Variants in CDH4 observed in about 807,000 individuals in gnomAD.
CDH4 encodes cadherin 4.
In CDH4, 33 loss-of-function variants were observed where a neutral mutation model predicts 86.0. The observed-to-expected ratio is 0.38, with a 90% CI of 0.29 to 0.51. The LOEUF (loss-of-function observed/expected upper bound fraction) is 0.51. Ranked by LOEUF, CDH4 falls within the 20% of genes least tolerant of loss-of-function variation. CDH4 has a pLI of 0.86. For synonymous variants in CDH4, 555 were observed against 549.4 expected (o/e 1.01, Z -0.14); for missense variants, 1,114 against 1,307.4 (o/e 0.85, Z 2.28).
At chr20:61,716,542 T>G (rs1193136124) in intron 2 of CDH4, among the ~76,000 whole-genome samples, 2 of 152,232 alleles carry the variant, frequency 1.3e-5, no homozygotes, top group Non-Finnish European at 2.9e-5. Flanking sequence ...GTAATCCCCA[T>G]GGGCTTGTCT....
At position 61,929,809 on chromosome 20, in the gene CDH4, G is replaced by A. The variant is rs147702496; in HGVS notation, c.2206G>A (p.Val736Met). The change falls in exon 13 of 16, where the codon GTG becomes ATG. Residue 736 changes from valine to methionine, a missense_variant. Coordinates refer to ENST00000614565, the MANE Select transcript of CDH4 (RefSeq NM_001794.5). ...AAAGLGTGAI[V>M]AILICILILL... The stretch of plus-strand genomic sequence containing the variant: ...GGCTGGTCTGGGCACCGGTGCCATC[G>A]TGGCCATCCTCATCTGCATCCTCAT... 342 of 1,613,994 alleles carry A rather than the reference G, an allele frequency of 2.1e-4. No individual in the cohort carries two copies. The highest frequency in any genetic ancestry group is 2.7e-4 in the Non-Finnish European group (314 of 1,180,014).
rs946618137 is a variant in CDH4 at position 61,811,656 on chromosome 20, G to A, written c.577-33012G>A. 1.3e-5 allele frequency among the ~76,000 whole-genome samples: 2 copies of A among 150,792 alleles called. No individual in the cohort carries two copies. The highest frequency in any genetic ancestry group is 1.3e-4 in the Admixed American group (2 of 15,164). On this transcript the variant is annotated intron_variant, in intron 4 of 15. Coordinates refer to ENST00000614565, the MANE Select transcript of CDH4 (RefSeq NM_001794.5). The surrounding 1 kb of genome is among the most constrained non-coding windows in gnomAD (Gnocchi z 4.4). ...CCGGGGTCACGCCCCTGCCACCCGGGGTCACGCCCCTGGCTGCCTACTGAG... is the reference window on the plus strand; with the variant it reads ...CCGGGGTCACGCCCCTGCCACCCGGAGTCACGCCCCTGGCTGCCTACTGAG...
intron 2 of CDH4, among the ~76,000 whole-genome samples, chr20:61,646,281 C>A (rs542195718): frequency 1.3e-5 from 2 of 152,268 alleles, no homozygotes; most frequent in Admixed American, 6.5e-5. Flanking sequence ...ACACTCTGGT[C>A]CCCAGGCCTT....
chr20:61,530,775 G>C (rs573517169), intron 2 of CDH4, among the ~76,000 whole-genome samples: 3 of 152,050 alleles, frequency 2.0e-5, no homozygotes, highest in South Asian at 2.1e-4. Flanking sequence ...ACAACAGAAC[G>C]AGTGAGGGCA....
intron 2 of CDH4, among the ~76,000 whole-genome samples, chr20:61,514,576 A>G (rs774450011): frequency 3.7e-4 from 57 of 152,158 alleles, no homozygotes; most frequent in Non-Finnish European, 7.5e-4. Context: ...GAAGGCACTC[A>G]GGATTTTCCT....
chr20:61,683,509 G>C (rs933821351), intron 2 of CDH4, among the ~76,000 whole-genome samples: 2 of 152,314 alleles, frequency 1.3e-5, no homozygotes, highest in South Asian at 4.2e-4. Context: ...GGCCCAGGCA[G>C]ATGGTACCAG....
At chr20:61,933,737 A>G (rs1005503538) in intron 14 of CDH4, among the ~76,000 whole-genome samples, 1 of 149,912 alleles carries the variant, frequency 6.7e-6, no homozygotes, top group Admixed American at 6.6e-5. Context: ...GCGGAGGCCC[A>G]GCTCCTGGCC....
intron 2 of CDH4, among the ~76,000 whole-genome samples, chr20:61,606,667 G>A (rs1039752381): frequency 7.9e-5 from 12 of 152,368 alleles, no homozygotes; most frequent in Non-Finnish European, 1.3e-4. Flanking sequence ...GCACCCCGCC[G>A]CTCCTCAGTT....
At chr20:61,347,527 C>T (rs146506031) in intron 2 of CDH4, among the ~76,000 whole-genome samples, 4 of 152,290 alleles carry the variant, frequency 2.6e-5, no homozygotes, top group African/African-American at 9.6e-5. Context: ...TATGACAGAT[C>T]GCAGAAGGAA....
intron 2 of CDH4, among the ~76,000 whole-genome samples, chr20:61,579,248 C>G (rs2086407059): frequency 6.6e-6 from 1 of 151,408 alleles, no homozygotes; most frequent in Non-Finnish European, 1.5e-5. Flanking sequence ...GCCAGCCAGG[C>G]AGTCGGGGAG....
intron 2 of CDH4, among the ~76,000 whole-genome samples, chr20:61,436,325 C>T (rs965549819): frequency 2.6e-5 from 4 of 152,320 alleles, no homozygotes; most frequent in Admixed American, 6.5e-5. Context: ...AGAGGCAGCT[C>T]AGACCCCACA....
chr20:61,341,691 C>T (rs961932147), intron 2 of CDH4, among the ~76,000 whole-genome samples: 5 of 152,028 alleles, frequency 3.3e-5, no homozygotes, highest in Admixed American at 3.3e-4. Flanking sequence ...TTGCCATGTG[C>T]TATTAATAGG....
chr20:61,411,579 A>G (rs2085119906), intron 2 of CDH4, among the ~76,000 whole-genome samples: 1 of 151,858 alleles, frequency 6.6e-6, no homozygotes. Context: ...TGCTTCAGGG[A>G]TGCCACCAGC....
intron 4 of CDH4, among the ~76,000 whole-genome samples, chr20:61,799,387 G>A (rs17749016): frequency 0.06 from 9,105 of 152,312 alleles, 393 homozygotes; most frequent in Middle Eastern, 0.12. Context: ...TGGAGAACAC[G>A]AGCAAGCTAT....
Position 61,928,376 on chromosome 20 carries a change from T to C in CDH4, c.1958T>C (p.Phe653Ser), listed in dbSNP as rs1306560313. ...NIGPYVFELPFVPAAVRKNWT... is the reference protein window; with the variant it reads ...NIGPYVFELPSVPAAVRKNWT... ...GGCCCCTACGTCTTCGAGCTGCCCTTTGTCCCGGCGGCCGTGCGGAAGAAC... is the reference window on the plus strand; with the variant it reads ...GGCCCCTACGTCTTCGAGCTGCCCTCTGTCCCGGCGGCCGTGCGGAAGAAC... Residue 653 changes from phenylalanine (F) to serine (S), a missense_variant, in exon 12 of 16, where the codon TTT becomes TCT. Coordinates refer to ENST00000614565, the MANE Select transcript of CDH4 (RefSeq NM_001794.5). 7 of 1,611,994 alleles carry C rather than the reference T, an allele frequency of 4.3e-6. No homozygotes were observed. Among genetic ancestry groups the C allele is most frequent in the Non-Finnish European group, 5.1e-6 (6 of 1,179,982 alleles).
chr20:61,437,087 A>C (rs2085287330), intron 2 of CDH4: 1 of 152,304 alleles, frequency 6.6e-6, no homozygotes, highest in African/African-American at 2.4e-5. Flanking sequence ...TGAAGGTGGC[A>C]GGGCCTACAG....
intron 2 of CDH4, among the ~76,000 whole-genome samples, chr20:61,369,533 T>C (rs917812917): frequency 6.7e-6 from 1 of 149,276 alleles, no homozygotes; most frequent in Non-Finnish European, 1.5e-5. Flanking sequence ...GATTAGAAGA[T>C]GGCATTGCAT....
intron 2 of CDH4, among the ~76,000 whole-genome samples, chr20:61,259,715 T>C (rs1412832101): frequency 2.6e-5 from 4 of 152,238 alleles, no homozygotes; most frequent in Admixed American, 6.5e-5. Context: ...TGCTAGTCCA[T>C]TGGCTGACAA....
At chr20:61,834,186 C>T (rs564810805) in intron 4 of CDH4, among the ~76,000 whole-genome samples, 6 of 152,336 alleles carry the variant, frequency 3.9e-5, no homozygotes, top group East Asian at 3.9e-4. Flanking sequence ...CCAGGGCTGA[C>T]GGCAACCTCC....
Sources: allele counts gnomAD v4.1 joint callset (sites outside exome capture counted in the v4.1 genomes callset), GRCh38; gene constraint gnomAD v4.1.1; non-coding constraint Gnocchi (gnomAD v3.1); transcripts MANE v1.5; gene names NCBI Gene and HGNC (gene_info 2026-07-23, HGNC 2026-07-21).